DLG2: variants seen among roughly 807,000 people sequenced by gnomAD.
DLG2 encodes disks large homolog 2.
Under a neutral mutation model 132.5 loss-of-function variants are expected in DLG2, and 45 were observed. The observed-to-expected ratio is 0.34, with a 90% CI of 0.27 to 0.44. DLG2 has a LOEUF of 0.44. DLG2 is among the 20% of genes least tolerant of loss of function. The probability of loss-of-function intolerance (pLI) is 1.00; values close to 1 mark genes in which losing one functional copy is unlikely to be tolerated. For missense variants in DLG2, 1,045 were observed against 1,196.9 expected, an observed-to-expected ratio of 0.87 and a Z score of 1.87; for synonymous variants, 424 against 419.6, an observed-to-expected ratio of 1.01 and a Z score of -0.13.
chr11:84,863,792 A>G (rs749340132), intron 6 of DLG2, among the ~76,000 whole-genome samples: 1 of 151,614 alleles, frequency 6.6e-6, no homozygotes, highest in Non-Finnish European at 1.5e-5. Flanking sequence ...ATAAAAGAGC[A>G]TGGGATTTGC....
intron 16 of DLG2, among the ~76,000 whole-genome samples, chr11:83,873,859 C>A (rs1041446677): frequency 6.6e-6 from 1 of 152,174 alleles, no homozygotes; most frequent in Non-Finnish European, 1.5e-5. Flanking sequence ...TGACCATTTA[C>A]AGTTAGGTAT....
intron 6 of DLG2, among the ~76,000 whole-genome samples, chr11:84,756,589 G>GT (rs2066905807): frequency 6.6e-6 from 1 of 152,172 alleles, no homozygotes; most frequent in East Asian, 1.9e-4. Flanking sequence ...AGGTTGTTAA[G>GT]AGAATTAAAT....
chr11:83,963,686 T>C lies in DLG2; in HGVS notation c.1202-663A>G, dbSNP rs548479616. On this transcript the variant is annotated intron_variant, in intron 13 of 27. Transcript: ENST00000376104. ...CTCCATTGTTGTTATGTATTTAATATAGTATAAACTCTCCTCTTTGCCATT... is the reference window on the plus strand; with the variant it reads ...CTCCATTGTTGTTATGTATTTAATACAGTATAAACTCTCCTCTTTGCCATT... 2.6e-5 allele frequency among the ~76,000 whole-genome samples: 4 copies of C among 152,134 alleles called. No homozygotes were observed. The East Asian group carries it at 5.8e-4, about 22-fold the overall frequency.
At chr11:84,802,650 A>G (rs902487647) in intron 6 of DLG2, among the ~76,000 whole-genome samples, 1 of 151,984 alleles carries the variant, frequency 6.6e-6, no homozygotes, top group African/African-American at 2.4e-5. Flanking sequence ...AAAAAAAAAA[A>G]AAAAAACTCT....
chr11:84,210,510 C>T (rs1233715065), intron 8 of DLG2, among the ~76,000 whole-genome samples: 1 of 127,570 alleles, frequency 7.8e-6, no homozygotes, highest in East Asian at 2.4e-4. Context: ...ACAATGTGCA[C>T]ATGTACCCTA....
At chr11:84,595,125 T>C (rs1050844407) in intron 6 of DLG2, among the ~76,000 whole-genome samples, 1 of 152,204 alleles carries the variant, frequency 6.6e-6, no homozygotes, top group East Asian at 1.9e-4. Flanking sequence ...CTTGAATATA[T>C]AGTTATGGTA....
At chr11:84,291,522 G>A (rs2097997622) in intron 7 of DLG2, among the ~76,000 whole-genome samples, 2 of 152,060 alleles carry the variant, frequency 1.3e-5, no homozygotes, top group Admixed American at 1.3e-4. Context: ...TCCCTTAACT[G>A]TTTTATATAA....
At chr11:84,062,108 A>G (rs1053570221) in intron 10 of DLG2, among the ~76,000 whole-genome samples, 2 of 152,056 alleles carry the variant, frequency 1.3e-5, no homozygotes, top group African/African-American at 4.8e-5. Flanking sequence ...TTCAAACTCT[A>G]TTTTTTTCCT....
intron 6 of DLG2, among the ~76,000 whole-genome samples, chr11:85,016,998 G>A (rs868468450): frequency 1.3e-5 from 2 of 152,122 alleles, no homozygotes; most frequent in Middle Eastern, 3.4e-3. Flanking sequence ...AATTCTTATC[G>A]AAAACAGCCA....
intron 8 of DLG2, among the ~76,000 whole-genome samples, chr11:84,194,880 G>A (rs1319364857): frequency 6.6e-6 from 1 of 152,156 alleles, no homozygotes; most frequent in Non-Finnish European, 1.5e-5. Context: ...GCGCTGGCCA[G>A]CTGCTCCAAG....
intron 3 of DLG2, among the ~76,000 whole-genome samples, chr11:85,490,738 C>T (rs1002308845): frequency 6.6e-6 from 1 of 151,956 alleles, no homozygotes; most frequent in African/African-American, 2.4e-5. Flanking sequence ...ACAACCTCCC[C>T]AGATTCAACC....
chr11:84,537,958 A>G (rs1440270501), intron 6 of DLG2, among the ~76,000 whole-genome samples: 2 of 152,236 alleles, frequency 1.3e-5, no homozygotes, highest in African/African-American at 4.8e-5. Context: ...TTTGCTTGAC[A>G]CAATCTAAAA....
At chr11:84,417,267 T>G (rs2154461789) in intron 7 of DLG2, among the ~76,000 whole-genome samples, 1 of 152,344 alleles carries the variant, frequency 6.6e-6, no homozygotes, top group South Asian at 2.1e-4. Context: ...GAAAGTCATT[T>G]TAAATGAAAT....
chr11:84,116,071 T>C (rs373835292), intron 9 of DLG2, among the ~76,000 whole-genome samples: 2 of 152,212 alleles, frequency 1.3e-5, no homozygotes, highest in African/African-American at 4.8e-5. Context: ...GCTCAATATG[T>C]CCACCAAATT....
chr11:84,543,350 G>T (rs4145049), intron 6 of DLG2, among the ~76,000 whole-genome samples: 12,946 of 152,116 alleles, frequency 0.085, 577 homozygotes, highest in African/African-American at 0.12. Context: ...GTGACCTCCT[G>T]ACTTCCCAGA....
intron 4 of DLG2, among the ~76,000 whole-genome samples, chr11:85,185,569 G>T (rs181784446): frequency 1.3e-5 from 2 of 151,722 alleles, no homozygotes; most frequent in Non-Finnish European, 2.9e-5. Flanking sequence ...ATGACTCCAT[G>T]CATTTTTGTA....
chr11:84,301,088 T>A (rs995790342), intron 7 of DLG2, among the ~76,000 whole-genome samples: 1 of 152,208 alleles, frequency 6.6e-6, no homozygotes, highest in Non-Finnish European at 1.5e-5. Context: ...CAACAATTGG[T>A]CTTTTTCTAA....
intron 3 of DLG2, among the ~76,000 whole-genome samples, chr11:85,351,669 T>C (rs2083299509): frequency 6.6e-6 from 1 of 152,228 alleles, no homozygotes; most frequent in African/African-American, 2.4e-5. Context: ...GAGATAATTA[T>C]GTGGTTTTCG....
chr11:83,982,102 T>C (rs1366049045), intron 11 of DLG2, among the ~76,000 whole-genome samples: 1 of 152,208 alleles, frequency 6.6e-6, no homozygotes, highest in Non-Finnish European at 1.5e-5. Flanking sequence ...GTCACATATA[T>C]AAAAGTATAG....
Sources: gnomAD v4.1 joint callset for allele counts (sites outside exome capture counted in the v4.1 genomes callset) on GRCh38, gnomAD v4.1.1 for gene constraint, MANE v1.5 for transcripts, NCBI Gene and HGNC (gene_info 2026-07-23, HGNC 2026-07-21) for gene names.